CNTD1: variants seen among roughly 807,000 people sequenced by gnomAD.
CNTD1 encodes cyclin N-terminal domain-containing protein 1.
A neutral mutation model predicts 36.3 loss-of-function variants in CNTD1; 17 were observed. The observed-to-expected ratio is 0.47, with a 90% CI of 0.32 to 0.70. The LOEUF (loss-of-function observed/expected upper bound fraction) is 0.70. Among genes scored for constraint, CNTD1 ranks in the 30% least tolerant of loss-of-function variants. The pLI is 0.03. For missense variants in CNTD1, 338 were observed against 386.1 expected, an observed-to-expected ratio of 0.88 and a Z score of 1.04; for synonymous variants, 128 against 153.3, an observed-to-expected ratio of 0.83 and a Z score of 1.22.
chr17:42,807,046 A>G (rs77600065), intron 5 of CNTD1, among the ~76,000 whole-genome samples: 4,302 of 152,256 alleles, frequency 0.028, 211 homozygotes, highest in African/African-American at 0.096. Flanking sequence ...TTTAATTAAT[A>G]TATTTCCTTT....
intron 1 of CNTD1, among the ~76,000 whole-genome samples, chr17:42,800,912 C>T (rs1029876791): frequency 1.3e-5 from 2 of 152,168 alleles, no homozygotes; most frequent in Non-Finnish European, 2.9e-5. Context: ...CACGGCCGGG[C>T]ACGGTGGCTC....
At chr17:42,801,541 ATATAT>A (rs2054793211) in intron 1 of CNTD1, among the ~76,000 whole-genome samples, 2 of 68,718 alleles carry the variant, frequency 2.9e-5, no homozygotes, top group East Asian at 6.2e-4. Flanking sequence ...ATATATATAT[ATATAT>A]AATATATGTG....
Position 42,809,724 on chromosome 17 carries a change from C to T in CNTD1, c.*189C>T. ...GACGAGCATGCCCTTTTTGTCATAT[C>T]AGCCTGAAAATGTTAAAAAGCTAGG... On this transcript the variant is annotated 3_prime_UTR_variant, in exon 7 of 7. Transcript: ENST00000588408. 1 of 547,614 alleles carries T rather than the reference C, an allele frequency of 1.8e-6. No individual in the cohort carries two copies. The highest frequency in any genetic ancestry group is 3.2e-6 in the Non-Finnish European group (1 of 315,592). The allele number at this position is 547,614 out of a possible 1,614,324, so 33.9% of individuals were successfully genotyped here. A position where few individuals can be genotyped will look rare whatever the true frequency, so the allele number is the denominator to read the frequency against.
chr17:42,809,220 T>C, intron 6 of CNTD1, 145 bp from the exon 7 acceptor site: 1 of 693,770 alleles, frequency 1.4e-6, no homozygotes, highest in Non-Finnish European at 2.4e-6. Context: ...TAATATAATT[T>C]GGCCATTGGC....
intron 4 of CNTD1, 61 bp downstream of exon 4, chr17:42,805,945 G>A: frequency 6.9e-7 from 1 of 1,456,396 alleles, no homozygotes; most frequent in Non-Finnish European, 9.3e-7. Context: ...TACAAAATGT[G>A]CATGGGGGGG....
At chr17:42,806,087 GT>G (rs1225046291) in intron 4 of CNTD1, among the ~76,000 whole-genome samples, 2 of 152,150 alleles carry the variant, frequency 1.3e-5, no homozygotes, top group Admixed American at 6.5e-5. Context: ...AATTAGCTGG[GT>G]GTGGTGGTGG....
At chr17:42,806,567 C>A in intron 4 of CNTD1, 107 bp from the exon 5 acceptor site, 1 of 1,151,846 alleles carries the variant, frequency 8.7e-7, no homozygotes, top group Non-Finnish European at 1.3e-6. Context: ...TAGAACATAG[C>A]AACCAGGAAG....
rs2054883407 is a variant in CNTD1 at position 42,806,661 on chromosome 17, A to C, written c.581-13A>C. 1 of 1,613,226 alleles carries C rather than the reference A, an allele frequency of 6.2e-7. No individual in the cohort carries two copies. The highest frequency in any genetic ancestry group is 8.5e-7 in the Non-Finnish European group (1 of 1,179,378). On this transcript the variant is annotated splice_polypyrimidine_tract_variant and intron_variant, in intron 4 of 6. Transcript: ENST00000588408. ...ATCATAAATTCTCCCTATCATTCCC[A>C]TACTCCATCTAGGATACAATGGCTG... is the stretch of plus-strand genomic sequence containing the variant.
At position 42,804,410 on chromosome 17, in the gene CNTD1, G is replaced by T. The variant is rs756969464; in HGVS notation, c.417+14G>T. The T allele has an allele frequency of 3.1e-6, 5 of 1,611,372 alleles. No homozygotes were observed. Among genetic ancestry groups the T allele is most frequent in the Non-Finnish European group, 4.2e-6 (5 of 1,178,224 alleles). On this transcript the variant is annotated intron_variant, in intron 3 of 6. Coordinates refer to ENST00000588408, the MANE Select transcript of CNTD1 (RefSeq NM_173478.3). ...TTCCGAAACAAAGTAAGGAGCTGGG[G>T]TTGCTCATGGGCACCTGAGTGTTAG...
intron 1 of CNTD1, among the ~76,000 whole-genome samples, chr17:42,802,103 C>G (rs745658437): frequency 6.6e-6 from 1 of 152,016 alleles, no homozygotes; most frequent in Non-Finnish European, 1.5e-5. Flanking sequence ...GTGTGTAAGC[C>G]AGGCTTTCAA....
chr17:42,806,457 GACA>G (rs1333438227), intron 4 of CNTD1, among the ~76,000 whole-genome samples: 2 of 152,086 alleles, frequency 1.3e-5, no homozygotes, highest in Admixed American at 6.6e-5. Context: ...ATAAGAGAGG[GACA>G]ACTACATGCT....
rs2054993898 is a variant in CNTD1 at position 42,811,144 on chromosome 17, C to T, written c.*1609C>T. 2.1e-5 allele frequency: 9 copies of T among 435,826 alleles called. No individual in the cohort carries two copies. Among genetic ancestry groups the T allele is most frequent in the Admixed American group, 4.2e-5 (1 of 24,044 alleles). 27.0% of individuals were successfully genotyped at this position (435,826 alleles called of 1,614,324 possible). On this transcript the variant is annotated 3_prime_UTR_variant, in exon 7 of 7. Coordinates refer to ENST00000588408, the MANE Select transcript of CNTD1 (RefSeq NM_173478.3). ...TTGCAGAGTACAGGGACAGGACACA[C>T]ACCCAAAGAGAAGAGAAGCCTGGAG...
At chr17:42,806,614 G>A in intron 4 of CNTD1, 60 bp from the exon 5 acceptor site, 1 of 1,528,298 alleles carries the variant, frequency 6.5e-7, no homozygotes. Context: ...TCACAACTGT[G>A]GTTATGATCA....
chr17:42,809,516 T>C lies in CNTD1; in HGVS notation c.974T>C (p.Val325Ala), dbSNP rs1243936175. 1 of 1,614,096 alleles carries C rather than the reference T, an allele frequency of 6.2e-7. No homozygotes were observed. The highest frequency in any genetic ancestry group is 1.1e-5 in the South Asian group (1 of 91,072). ...PHLAARALKTVASSNT is the reference protein window; with the variant it reads ...PHLAARALKTAASSNT The stretch of plus-strand genomic sequence containing the variant: ...CTGGCAGCCAGAGCTCTGAAGACTG[T>C]TGCTTCCTCTAACACATGAGGGAGG... The change falls in exon 7 of 7, where the codon GTT (valine) becomes GCT (alanine). Residue 325 changes from valine (V) to alanine (A), a missense_variant. Coordinates refer to ENST00000588408, the MANE Select transcript of CNTD1 (RefSeq NM_173478.3).
Position 42,809,929 on chromosome 17 carries a change from T to TTA in CNTD1, c.*394_*395insTA. ...CCTTTATTTCCCCTTAAAATTAGTT[T>TTA]AACATCTCTGTTCCATTATTCAGAT... On this transcript the variant is annotated 3_prime_UTR_variant, in exon 7 of 7. Coordinates refer to ENST00000588408, the MANE Select transcript of CNTD1 (RefSeq NM_173478.3). 6.6e-6 allele frequency: 1 copy of TTA among 150,832 alleles called. No individual in the cohort carries two copies. The highest frequency in any genetic ancestry group is 1.5e-5 in the Non-Finnish European group (1 of 68,520). The allele number at this position is 150,832 out of a possible 1,614,324, so 9.3% of individuals were successfully genotyped here.
rs141773326 is a variant in CNTD1 at position 42,809,465 on chromosome 17, G to A, written c.923G>A (p.Gly308Glu). ...CACGGAGTGGGAGCCAACACTCCGG[G>A]GAGACAGCAGTCTATTCCTCCCCAC... is the stretch of plus-strand genomic sequence containing the variant. ...LTHGVGANTPGRQQSIPPHLA... is the reference protein window; with the variant it reads ...LTHGVGANTPERQQSIPPHLA... Residue 308 changes from glycine to glutamate, a missense_variant, in exon 7 of 7, where the codon GGG becomes GAG. Coordinates refer to ENST00000588408, the MANE Select transcript of CNTD1 (RefSeq NM_173478.3). 3.1e-6 allele frequency: 5 copies of A among 1,614,030 alleles called. No homozygotes were observed. Among genetic ancestry groups the A allele is most frequent in the African/African-American group, 2.7e-5 (2 of 74,912 alleles).
In CNTD1 at chr17:42,810,683, G is replaced by A. The variant is rs756578156; in HGVS notation, c.*1148G>A. On this transcript the variant is annotated 3_prime_UTR_variant, in exon 7 of 7. Coordinates refer to ENST00000588408, the MANE Select transcript of CNTD1 (RefSeq NM_173478.3). ...AAACATGTACTGTTTAATATTACCC[G>A]AATTTAATTTAAAACATGTTTGCAA... The A allele has an allele frequency of 1.1e-4, 162 of 1,440,884 alleles. No homozygotes were observed. Among genetic ancestry groups the A allele is most frequent in the Non-Finnish European group, 1.4e-4 (148 of 1,070,694 alleles). The allele number at this position is 1,440,884 out of a possible 1,614,324, so 89.3% of individuals were successfully genotyped here.
intron 6 of CNTD1, 41 bp downstream of exon 6, chr17:42,807,905 T>C (rs2054907329): frequency 2.8e-6 from 4 of 1,438,924 alleles, no homozygotes; most frequent in Non-Finnish European, 3.9e-6. Flanking sequence ...GAGAATTCAT[T>C]TAACAGAAAG....
upstream of CNTD1, chr17:42,798,844 G>A: frequency 6.9e-7 from 1 of 1,441,826 alleles, no homozygotes; most frequent in Non-Finnish European, 9.1e-7. Context: ...AGAAGCGGAC[G>A]TGCTTTCTGA....
Sources: allele counts gnomAD v4.1 joint callset (sites outside exome capture counted in the v4.1 genomes callset), GRCh38; gene constraint gnomAD v4.1.1; transcripts MANE v1.5; gene names NCBI Gene and HGNC (gene_info 2026-07-23, HGNC 2026-07-21).